The following MRTFB variants were observed in gnomAD, a reference collection of about 807,000 sequenced individuals.
MRTFB encodes the protein myocardin-related transcription factor B.
Under a neutral mutation model 104.2 loss-of-function variants are expected in MRTFB, and 29 were observed. The ratio of observed to expected loss-of-function variants is 0.28; its 90% confidence interval spans 0.21 to 0.38. The LOEUF (loss-of-function observed/expected upper bound fraction) is 0.38, where lower values mean the gene tolerates loss of function less well. Ranked by LOEUF, MRTFB falls within the 10% of genes least tolerant of loss-of-function variation. The probability of loss-of-function intolerance (pLI) is 1.00; values close to 1 mark genes in which losing one functional copy is unlikely to be tolerated. For missense variants in MRTFB, 1,270 were observed against 1,341.6 expected (o/e 0.95, Z 0.83); for synonymous variants, 535 against 519.5 (o/e 1.03, Z -0.41).
chr16:14,245,702 A>G, intron 11 of MRTFB, 42 bp downstream of exon 11: 1 of 1,584,548 alleles, frequency 6.3e-7, no homozygotes, highest in African/African-American at 1.4e-5. Context: ...TAAGTACCAC[A>G]AACATGTAAA....
intron 2 of MRTFB, among the ~76,000 whole-genome samples, chr16:14,121,900 T>C (rs952912289): frequency 2.0e-5 from 3 of 152,186 alleles, no homozygotes; most frequent in African/African-American, 7.2e-5. Context: ...TAATTGTAAT[T>C]GATTTATATT....
At chr16:14,173,579 A>C (rs1018014180) in intron 3 of MRTFB, among the ~76,000 whole-genome samples, 3 of 150,952 alleles carry the variant, frequency 2.0e-5, no homozygotes, top group Non-Finnish European at 4.4e-5. Context: ...TGAATCTGTA[A>C]ATTTATGTTT....
At chr16:13,997,922 C>A in the MRTFB span, among the ~76,000 whole-genome samples, 1 of 151,978 alleles carries the variant, frequency 6.6e-6, no homozygotes, top group Admixed American at 6.6e-5. Flanking sequence ...ATGGAGCTTA[C>A]CGTCTAGAGA....
At chr16:14,043,568 CAAACCT>C in the MRTFB span, among the ~76,000 whole-genome samples, 5 of 152,118 alleles carry the variant, frequency 3.3e-5, no homozygotes, top group Non-Finnish European at 7.4e-5. Context: ...ATGCTATTCC[CAAACCT>C]CAAGAATCTA....
chr16:14,048,588 G>A, the MRTFB span, among the ~76,000 whole-genome samples: 2 of 152,138 alleles, frequency 1.3e-5, no homozygotes, highest in South Asian at 2.1e-4. Flanking sequence ...GGGCCTTTGA[G>A]GTCCTATAAG....
At chr16:14,235,411 A>C (rs576237818) in intron 9 of MRTFB, among the ~76,000 whole-genome samples, 1 of 152,244 alleles carries the variant, frequency 6.6e-6, no homozygotes, top group East Asian at 1.9e-4. Flanking sequence ...TGCAACCCCG[A>C]CGGCACAGAG....
At chr16:14,084,044 G>C (rs1283020274) in intron 2 of MRTFB, among the ~76,000 whole-genome samples, 1 of 152,204 alleles carries the variant, frequency 6.6e-6, no homozygotes. Flanking sequence ...CTCATGCATA[G>C]ATGAAATACT....
chr16:14,010,128 T>G, the MRTFB span, among the ~76,000 whole-genome samples: 13 of 152,248 alleles, frequency 8.5e-5, no homozygotes, highest in Non-Finnish European at 1.6e-4. Flanking sequence ...GAGCTTAGAT[T>G]AGAAGCTGGG....
intron 3 of MRTFB, among the ~76,000 whole-genome samples, chr16:14,174,771 G>A (rs778765959): frequency 1.3e-5 from 2 of 152,062 alleles, no homozygotes; most frequent in Non-Finnish European, 2.9e-5. Context: ...ATCACCACCC[G>A]TTTGCCATCC....
At chr16:13,999,040 A>C in the MRTFB span, among the ~76,000 whole-genome samples, 510 of 151,936 alleles carry the variant, frequency 3.4e-3, 4 homozygotes, top group African/African-American at 0.012. Flanking sequence ...AATACAAAAA[A>C]TTAGCCAGGC....
At chr16:14,118,659 T>G (rs9940704) in intron 2 of MRTFB, among the ~76,000 whole-genome samples, 22,062 of 151,422 alleles carry the variant, frequency 0.15, 2,383 homozygotes, top group East Asian at 0.28. Context: ...AAAATTAGCC[T>G]GGTGTGGTGG....
At chr16:14,233,781 CAAAAAA>C (rs1007606658) in intron 8 of MRTFB, among the ~76,000 whole-genome samples, 4 of 49,994 alleles carry the variant, frequency 8.0e-5, no homozygotes, top group Non-Finnish European at 1.3e-4. Context: ...GACTCCCTCT[CAAAAAA>C]AAAAAAAAAA....
In MRTFB at chr16:14,246,898, G is replaced by T; in HGVS notation, c.1638G>T (p.Met546Ile). Reference sequence around the variant, plus strand: ...TCTTGAGTTCATCTCCTTTGAGAATGACAAATAATGAAGACAGTCTGAGTC... The same window carrying T: ...TCTTGAGTTCATCTCCTTTGAGAATTACAAATAATGAAGACAGTCTGAGTC... Reference protein sequence around the residue: ...SQFLSSSPLRMTNNEDSLSPT... With the variant: ...SQFLSSSPLRITNNEDSLSPT... The change falls in exon 12 of 17, where the codon ATG becomes ATT. Residue 546 changes from methionine (M) to isoleucine (I), a missense_variant. By Grantham distance (10) the Met-to-Ile change is conservative. Transcript: ENST00000571589. 6.2e-7 allele frequency: 1 copy of T among 1,613,766 alleles called. No individual in the cohort carries two copies. Among genetic ancestry groups the T allele is most frequent in the Non-Finnish European group, 8.5e-7 (1 of 1,180,030 alleles).
intron 2 of MRTFB, among the ~76,000 whole-genome samples, chr16:14,105,804 A>G (rs1278121859): frequency 6.6e-6 from 1 of 152,222 alleles, no homozygotes; most frequent in East Asian, 1.9e-4. Context: ...ATTAAAGTTA[A>G]GGTGTTCTTA....
chr16:14,247,366 C>T lies in MRTFB; in HGVS notation c.2106C>T (p.Ser702=), dbSNP rs757162798. 1.9e-6 allele frequency: 3 copies of T among 1,614,094 alleles called. No individual in the cohort carries two copies. Among genetic ancestry groups the T allele is most frequent in the Non-Finnish European group, 2.5e-6 (3 of 1,180,042 alleles). Reference sequence around the variant, plus strand: ...TCGTCTCGCAGTTTTATGTGAGTTCCCAGGGACAGCCACCGCCTGCTGTTG... The same window carrying T: ...TCGTCTCGCAGTTTTATGTGAGTTCTCAGGGACAGCCACCGCCTGCTGTTG... ...QSVVSQFYVS[S]QGQPPPAVVA... Residue 702 remains serine (S), a synonymous_variant, in exon 12 of 17, where the codon TCC becomes TCT. Transcript: ENST00000571589.
chr16:14,138,075 C>T (rs2037811961), intron 2 of MRTFB, among the ~76,000 whole-genome samples: 1 of 152,050 alleles, frequency 6.6e-6, no homozygotes, highest in Non-Finnish European at 1.5e-5. Flanking sequence ...TCTTCTCAGT[C>T]TACTTAAAGT....
At chr16:14,106,321 AG>A (rs2035974609) in intron 2 of MRTFB, among the ~76,000 whole-genome samples, 1 of 152,176 alleles carries the variant, frequency 6.6e-6, no homozygotes, top group African/African-American at 2.4e-5. Flanking sequence ...GCCAGTAGAG[AG>A]GTGGGACGAA....
At chr16:14,091,219 A>G (rs960689723) in intron 2 of MRTFB, among the ~76,000 whole-genome samples, 2 of 152,166 alleles carry the variant, frequency 1.3e-5, no homozygotes, top group African/African-American at 2.4e-5. Context: ...GTAGAGTTGT[A>G]GAAGACAGAG....
chr16:14,224,420 A>G (rs556942384), intron 8 of MRTFB, among the ~76,000 whole-genome samples: 15 of 152,278 alleles, frequency 9.9e-5, no homozygotes, highest in African/African-American at 3.1e-4. Flanking sequence ...GTTTTTTAAA[A>G]TACTACACCT....
Sources: allele counts gnomAD v4.1 joint callset (sites outside exome capture counted in the v4.1 genomes callset), GRCh38; gene constraint gnomAD v4.1.1; transcripts MANE v1.5; gene names NCBI Gene and HGNC (gene_info 2026-07-23, HGNC 2026-07-21).